NOVA1: variants seen among roughly 807,000 people sequenced by gnomAD.
NOVA1 encodes the protein NOVA alternative splicing regulator 1.
Under a neutral mutation model 38.0 loss-of-function variants are expected in NOVA1, and 7 were observed. The ratio of observed to expected loss-of-function variants is 0.18; its 90% CI spans 0.10 to 0.35. The LOEUF (loss-of-function observed/expected upper bound fraction) is 0.35. NOVA1 is among the 10% of genes least tolerant of loss of function. The probability of loss-of-function intolerance (pLI) is 1.00; values close to 1 mark genes in which losing one functional copy is unlikely to be tolerated. For missense variants in NOVA1, 460 were observed against 616.0 expected (o/e 0.75, Z 2.68); for synonymous variants, 270 against 232.5 (o/e 1.16, Z -1.47).
At chr14:26,546,787 A>C in intron 2 of NOVA1, among the ~76,000 whole-genome samples, 1 of 152,210 alleles carries the variant, frequency 6.6e-6, no homozygotes, top group African/African-American at 2.4e-5. Flanking sequence ...TGGGAGGCCA[A>C]GATGGGAGGA....
chr14:26,519,565 G>A (rs940245628), intron 2 of NOVA1: 6 of 152,046 alleles, frequency 3.9e-5, no homozygotes, highest in Non-Finnish European at 7.4e-5. Context: ...CTATGCAAAA[G>A]AAGTAGAAAA....
chr14:26,591,127 C>T (rs964064266), intron 2 of NOVA1, among the ~76,000 whole-genome samples: 5 of 151,508 alleles, frequency 3.3e-5, no homozygotes, highest in Admixed American at 3.3e-4. Flanking sequence ...TTAAGATTTC[C>T]TATTGCTTAA....
intron 3 of NOVA1, among the ~76,000 whole-genome samples, chr14:26,473,190 T>C (rs1188531836): frequency 6.6e-6 from 1 of 151,706 alleles, no homozygotes; most frequent in East Asian, 1.9e-4. Context: ...TCTAAACATA[T>C]ACACTTACTA....
chr14:26,449,002 T>TTTG, intron 4 of NOVA1, 39 bp from the exon 5 acceptor site: 1 of 1,530,824 alleles, frequency 6.5e-7, no homozygotes, highest in Non-Finnish European at 8.9e-7. Flanking sequence ...ATACTTCTGT[T>TTTG]TTGTGCATAT....
chr14:26,541,672 G>C (rs898847040), intron 2 of NOVA1, among the ~76,000 whole-genome samples: 1 of 150,504 alleles, frequency 6.6e-6, no homozygotes, highest in African/African-American at 2.4e-5. Context: ...ATCCTAAGTC[G>C]ATGTTCACCT....
At chr14:26,574,425 A>G (rs1892703589) in intron 2 of NOVA1, among the ~76,000 whole-genome samples, 1 of 152,116 alleles carries the variant, frequency 6.6e-6, no homozygotes, top group Admixed American at 6.5e-5. Flanking sequence ...TATATTGTAA[A>G]GCATTCACTG....
Position 26,459,483 on chromosome 14 carries a change from T to C in NOVA1, c.520-10520A>G, listed in dbSNP as rs577483916. Among the ~76,000 whole-genome samples, 8 of 152,252 alleles carry C rather than the reference T, an allele frequency of 5.3e-5. 1 individual carries two copies. In the East Asian group the frequency reaches 1.5e-3, roughly 29 times the overall value. On this transcript the variant is annotated intron_variant, in intron 4 of 4. Transcript: ENST00000539517. ...GCACAATGACAGAAACACCTAATGCTGCATTTTTCTGAATATATTCCCATC... is the reference window on the plus strand; with the variant it reads ...GCACAATGACAGAAACACCTAATGCCGCATTTTTCTGAATATATTCCCATC...
In NOVA1 at chr14:26,597,804, A is replaced by T; in HGVS notation, c.-368T>A. The T allele has an allele frequency of 2.0e-6, 1 of 506,582 alleles. No homozygotes were observed. The highest frequency in any genetic ancestry group is 2.5e-6 in the Non-Finnish European group (1 of 399,272). 31.4% of individuals were successfully genotyped at this position (506,582 alleles called of 1,614,324 possible). A position where few individuals can be genotyped will look rare whatever the true frequency, so the allele number is the denominator to read the frequency against. The stretch of plus-strand genomic sequence containing the variant: ...GGGACCGGGGAGGACAGGCAGAGGG[A>T]GTGGGAGAGCGCGAGGGCTGGCGGG... On this transcript the variant is annotated 5_prime_UTR_variant, in exon 1 of 5. Transcript: ENST00000539517.
chr14:26,504,737 G>A (rs1274569839), intron 2 of NOVA1, among the ~76,000 whole-genome samples: 1 of 151,342 alleles, frequency 6.6e-6, no homozygotes, highest in East Asian at 2.0e-4. Context: ...CACAGTAGGT[G>A]TCCAATACGT....
intron 2 of NOVA1, among the ~76,000 whole-genome samples, chr14:26,589,739 A>AT (rs1005986206): frequency 1.3e-5 from 2 of 151,666 alleles, no homozygotes; most frequent in South Asian, 2.1e-4. Context: ...ACTTAAGGTT[A>AT]TTTTTTTGTT....
intron 2 of NOVA1, among the ~76,000 whole-genome samples, chr14:26,555,978 C>A (rs959311905): frequency 9.9e-5 from 15 of 151,988 alleles, no homozygotes; most frequent in Non-Finnish European, 1.9e-4. Context: ...GTGAGAAGAA[C>A]CACAATATTC....
chr14:26,538,008 T>G (rs1890223673), intron 2 of NOVA1, among the ~76,000 whole-genome samples: 1 of 151,984 alleles, frequency 6.6e-6, no homozygotes, highest in South Asian at 2.1e-4. Context: ...TAAGAGGCAA[T>G]ACAAAACTTG....
intron 4 of NOVA1, among the ~76,000 whole-genome samples, chr14:26,452,804 T>A (rs991147289): frequency 6.6e-6 from 1 of 152,210 alleles, no homozygotes; most frequent in Non-Finnish European, 1.5e-5. Flanking sequence ...ACCTAATCAT[T>A]TATAAACGCT....
At chr14:26,494,822 T>C (rs1023897379) in intron 2 of NOVA1, among the ~76,000 whole-genome samples, 3 of 152,206 alleles carry the variant, frequency 2.0e-5, no homozygotes, top group Admixed American at 2.0e-4. Flanking sequence ...ACTGTCCATC[T>C]TGGTTCACTA....
rs1037050903 is a variant in NOVA1 at position 26,447,900 on chromosome 14, T to A, written c.*59A>T. 7.3e-7 allele frequency: 1 copy of A among 1,376,900 alleles called. No homozygotes were observed. Among genetic ancestry groups the A allele is most frequent in the Admixed American group, 1.7e-5 (1 of 58,144 alleles). 85.3% of individuals were successfully genotyped at this position (1,376,900 alleles called of 1,614,324 possible). ...CTTCACTTCTGCAAAGTACAGTACA[T>A]CCTTCTTGAAAATGGGGTAAAGGAG... On this transcript the variant is annotated 3_prime_UTR_variant, in exon 5 of 5. Transcript: ENST00000539517.
chr14:26,519,175 AATGT>A (rs1888691698), intron 2 of NOVA1: 1 of 145,834 alleles, frequency 6.9e-6, no homozygotes, highest in African/African-American at 2.7e-5. Context: ...ATAACTATAT[AATGT>A]ATAATTTTAG....
chr14:26,469,658 T>C (rs1176557766), intron 4 of NOVA1, among the ~76,000 whole-genome samples: 3 of 152,194 alleles, frequency 2.0e-5, no homozygotes, highest in African/African-American at 4.8e-5. Context: ...GGCATGATCA[T>C]GGCTCACTGC....
Position 26,597,388 on chromosome 14 carries a change from G to A in NOVA1, c.49C>T (p.Pro17Ser). 7.8e-7 allele frequency: 1 copy of A among 1,278,314 alleles called. No individual in the cohort carries two copies. The highest frequency in any genetic ancestry group is 2.9e-5 in the East Asian group (1 of 34,740). 79.2% of individuals were successfully genotyped at this position (1,278,314 alleles called of 1,614,324 possible). ...GAGTCCGGCGGGTCCAGGTCTATGG[G>A]AACCCCAGTGTGGGTCCCGTTCTGC... The part of the protein sequence containing the change: ...IQQNGTHTGV[P>S]IDLDPPDSRK... The change falls in exon 1 of 5, where the codon CCC becomes TCC. Residue 17 changes from proline to serine, a missense_variant. Coordinates refer to ENST00000539517, the MANE Select transcript of NOVA1 (RefSeq NM_002515.3).
At chr14:26,543,389 G>A (rs2138607400) in intron 2 of NOVA1, among the ~76,000 whole-genome samples, 1 of 152,016 alleles carries the variant, frequency 6.6e-6, no homozygotes, top group South Asian at 2.1e-4. Flanking sequence ...ACAGGAGCTA[G>A]GCAATAAGAA....
Sources: allele counts gnomAD v4.1 joint callset (sites outside exome capture counted in the v4.1 genomes callset), GRCh38; gene constraint gnomAD v4.1.1; transcripts MANE v1.5; gene names NCBI Gene and HGNC (gene_info 2026-07-23, HGNC 2026-07-21).